OTUD7A: variants seen among roughly 807,000 people sequenced by gnomAD.
The protein encoded by OTUD7A is OTU domain-containing protein 7A.
Under a neutral mutation model 65.7 loss-of-function variants are expected in OTUD7A, and 12 were observed. The ratio of observed to expected loss-of-function variants is 0.18; its 90% CI spans 0.12 to 0.30. The LOEUF (loss-of-function observed/expected upper bound fraction) is 0.30. Ranked by LOEUF, OTUD7A falls within the 10% of genes least tolerant of loss-of-function variation. The pLI, the probability that OTUD7A is intolerant of heterozygous loss-of-function variation, is 1.00. For missense variants in OTUD7A, 1,148 were observed against 1,304.8 expected (o/e 0.88, Z 1.85); for synonymous variants, 641 against 586.3 (o/e 1.09, Z -1.35).
At chr15:31,533,806 T>C (rs1162249939) in intron 5 of OTUD7A, among the ~76,000 whole-genome samples, 2 of 152,228 alleles carry the variant, frequency 1.3e-5, no homozygotes, top group Non-Finnish European at 2.9e-5. Flanking sequence ...TTATGTCTGA[T>C]GGTTAAAGCA....
At chr15:31,816,216 T>C (rs1896545640) in intron 1 of OTUD7A, among the ~76,000 whole-genome samples, 1 of 152,128 alleles carries the variant, frequency 6.6e-6, no homozygotes, top group South Asian at 2.1e-4. Context: ...CATCAAACCT[T>C]GGGTAGAGGG....
intron 3 of OTUD7A, among the ~76,000 whole-genome samples, chr15:31,605,669 A>G (rs1344889001): frequency 6.6e-6 from 1 of 152,172 alleles, no homozygotes; most frequent in African/African-American, 2.4e-5. Flanking sequence ...ACAATCAGTT[A>G]TTTTTTCAGA....
intron 3 of OTUD7A, among the ~76,000 whole-genome samples, chr15:31,598,723 C>A (rs1194803048): frequency 1.3e-5 from 2 of 152,168 alleles, no homozygotes; most frequent in Non-Finnish European, 2.9e-5. Context: ...GTGGGTCCCA[C>A]CCCCATGGAG....
At chr15:31,660,421 T>A (rs1456905389) in intron 1 of OTUD7A, among the ~76,000 whole-genome samples, 1 of 152,242 alleles carries the variant, frequency 6.6e-6, no homozygotes, top group Non-Finnish European at 1.5e-5. Flanking sequence ...CCAGAGCATC[T>A]TCACGGTTTA....
At chr15:31,506,246 C>T (rs75977817) in intron 8 of OTUD7A, among the ~76,000 whole-genome samples, 1 of 150,618 alleles carries the variant, frequency 6.6e-6, no homozygotes, top group Non-Finnish European at 1.5e-5. Flanking sequence ...ATATTTAAAG[C>T]TTTTTTTAAG....
intron 1 of OTUD7A, among the ~76,000 whole-genome samples, chr15:31,862,735 A>C (rs192177381): frequency 9.8e-4 from 150 of 152,332 alleles, no homozygotes; most frequent in African/African-American, 3.2e-3. Flanking sequence ...GGGTGAGGAC[A>C]CAGCCAAACC....
In OTUD7A at chr15:31,756,084, T is replaced by C. The variant is rs573685758; in HGVS notation, c.-99-99007A>G. Among the ~76,000 whole-genome samples the C allele has an allele frequency of 5.3e-5, 8 of 152,350 alleles. No homozygotes were observed. In the East Asian group the frequency reaches 1.5e-3, roughly 29 times the overall value. On this transcript the variant is annotated intron_variant, in intron 1 of 12. Transcript: ENST00000307050. ...CCAGCTGCTGCCCCTTGCCCAGTCT[T>C]GCCCCACTGGCCATGGAGTTAGCTG... is the stretch of plus-strand genomic sequence containing the variant.
At chr15:31,529,182 C>T (rs2042054280) in intron 6 of OTUD7A, among the ~76,000 whole-genome samples, 1 of 152,208 alleles carries the variant, frequency 6.6e-6, no homozygotes, top group East Asian at 1.9e-4. Flanking sequence ...CACAATGAGG[C>T]TGCTGTTTGA....
intron 1 of OTUD7A, chr15:31,767,742 G>A (rs1368791870): frequency 1.4e-6 from 1 of 712,722 alleles, no homozygotes; most frequent in African/African-American, 1.8e-5. Flanking sequence ...GCATTTTCCT[G>A]AGATAAATGT....
chr15:31,526,947 T>C (rs939201234), intron 7 of OTUD7A, among the ~76,000 whole-genome samples: 1 of 152,222 alleles, frequency 6.6e-6, no homozygotes, highest in African/African-American at 2.4e-5. Context: ...TTCATGATTA[T>C]GCCTTAAGGA....
chr15:31,678,239 T>C (rs1892636591), intron 1 of OTUD7A, among the ~76,000 whole-genome samples: 1 of 152,216 alleles, frequency 6.6e-6, no homozygotes, highest in African/African-American at 2.4e-5. Flanking sequence ...TGGTTTGGAA[T>C]TGGAACTTAT....
intron 5 of OTUD7A, among the ~76,000 whole-genome samples, chr15:31,531,156 GCTT>G (rs1887609305): frequency 6.6e-6 from 1 of 152,018 alleles, no homozygotes; most frequent in Non-Finnish European, 1.5e-5. Flanking sequence ...TCACCGTCTT[GCTT>G]TTTTGAGGCA....
chr15:31,657,921 C>A (rs1305073322), intron 1 of OTUD7A, among the ~76,000 whole-genome samples: 2 of 152,224 alleles, frequency 1.3e-5, no homozygotes, highest in Non-Finnish European at 2.9e-5. Context: ...CATTCCTGTT[C>A]TCCTCAGTGC....
At chr15:31,810,694 C>G (rs1271061678) in intron 1 of OTUD7A, among the ~76,000 whole-genome samples, 1 of 152,174 alleles carries the variant, frequency 6.6e-6, no homozygotes, top group East Asian at 1.9e-4. Context: ...ACTAAGGTAG[C>G]CACCTCAACT....
chr15:31,515,360 A>C (rs1230766174), intron 8 of OTUD7A, among the ~76,000 whole-genome samples: 1 of 152,104 alleles, frequency 6.6e-6, no homozygotes, highest in African/African-American at 2.4e-5. Context: ...CCATGGTAAC[A>C]ACAGCGTGAA....
chr15:31,837,944 G>C (rs1467017623), intron 1 of OTUD7A, among the ~76,000 whole-genome samples: 1 of 152,146 alleles, frequency 6.6e-6, no homozygotes, highest in Non-Finnish European at 1.5e-5. Context: ...TAGATCAATG[G>C]AACAGAATTA....
At chr15:31,638,337 C>T (rs1395505260) in intron 3 of OTUD7A, among the ~76,000 whole-genome samples, 1 of 150,814 alleles carries the variant, frequency 6.6e-6, no homozygotes, top group Non-Finnish European at 1.5e-5. Context: ...AGATATAATG[C>T]TATTGAACAC....
At chr15:31,548,244 C>T (rs1445180172) in intron 5 of OTUD7A, among the ~76,000 whole-genome samples, 1 of 152,176 alleles carries the variant, frequency 6.6e-6, no homozygotes. Flanking sequence ...TTCACTTTGC[C>T]TCTGTCAGAT....
At chr15:31,803,028 G>T (rs189092108) in intron 1 of OTUD7A, among the ~76,000 whole-genome samples, 1 of 152,214 alleles carries the variant, frequency 6.6e-6, no homozygotes, top group Non-Finnish European at 1.5e-5. Flanking sequence ...AAGGATCAAG[G>T]GGCAGGTCTG....
Sources: gnomAD v4.1 joint callset for allele counts (sites outside exome capture counted in the v4.1 genomes callset) on GRCh38, gnomAD v4.1.1 for gene constraint, MANE v1.5 for transcripts, NCBI Gene and HGNC (gene_info 2026-07-23, HGNC 2026-07-21) for gene names.